TDRP: variants seen among roughly 807,000 people sequenced by gnomAD.
TDRP encodes the protein testis development related protein.
In TDRP, 12 loss-of-function variants were observed where a neutral mutation model predicts 10.5. That is an observed-to-expected ratio of 1.15 (90% CI 0.73 to 1.86). The LOEUF is 1.86. Among genes scored for constraint, TDRP ranks in the 40% most tolerant of loss-of-function variants. TDRP has a pLI of 0.00. For missense variants in TDRP, 353 were observed against 229.2 expected (o/e 1.54, Z -3.49); for synonymous variants, 139 against 95.4 (o/e 1.46, Z -2.67).
intron 1 of TDRP, among the ~76,000 whole-genome samples, chr8:495,229 A>C (rs1196859698): frequency 6.6e-6 from 1 of 152,100 alleles, no homozygotes; most frequent in Non-Finnish European, 1.5e-5. Context: ...GCAAGACCCC[A>C]TCTCAAAAAA....
upstream of TDRP, among the ~76,000 whole-genome samples, chr8:545,224 CGT>C (rs1802620909): frequency 7.0e-6 from 1 of 142,940 alleles, no homozygotes; most frequent in Non-Finnish European, 1.5e-5. Flanking sequence ...CAGGCTACCC[CGT>C]CACCTGGTCC....
chr8:496,586 G>A (rs1390914431), intron 1 of TDRP, among the ~76,000 whole-genome samples: 1 of 152,188 alleles, frequency 6.6e-6, no homozygotes, highest in African/African-American at 2.4e-5. Flanking sequence ...CAGGCCTGCT[G>A]TGTCCCAACA....
At chr8:545,416 C>A (rs535613290), upstream of TDRP, among the ~76,000 whole-genome samples, 324 of 148,906 alleles carry the variant, frequency 2.2e-3, 2 homozygotes, top group African/African-American at 7.7e-3. Context: ...CCTTCTCCCC[C>A]GCCGACCCCC....
intron 1 of TDRP, among the ~76,000 whole-genome samples, chr8:517,558 C>T (rs1031057183): frequency 6.6e-6 from 1 of 152,200 alleles, no homozygotes; most frequent in Non-Finnish European, 1.5e-5. Flanking sequence ...AACCAGCTGC[C>T]AATCAGGAAA....
chr8:504,170 C>A (rs1801389039), intron 1 of TDRP, among the ~76,000 whole-genome samples: 1 of 152,222 alleles, frequency 6.6e-6, no homozygotes, highest in African/African-American at 2.4e-5. Flanking sequence ...TGCTCAGTCC[C>A]CTCATCTGTC....
intron 1 of TDRP, among the ~76,000 whole-genome samples, chr8:499,939 T>C (rs2116732216): frequency 6.6e-6 from 1 of 152,294 alleles, no homozygotes; most frequent in East Asian, 1.9e-4. Context: ...AGTTCTCCTC[T>C]TCCACGGGAA....
At chr8:528,791 T>A (rs1802104672) in intron 1 of TDRP, among the ~76,000 whole-genome samples, 1 of 152,128 alleles carries the variant, frequency 6.6e-6, no homozygotes, top group Non-Finnish European at 1.5e-5. Context: ...ATACATATAT[T>A]TATTTATATA....
chr8:510,755 G>A (rs766342702), intron 1 of TDRP, among the ~76,000 whole-genome samples: 2 of 152,182 alleles, frequency 1.3e-5, no homozygotes, highest in African/African-American at 2.4e-5. Flanking sequence ...AGCTGAAAAC[G>A]AGGAACTCCA....
intron 1 of TDRP, among the ~76,000 whole-genome samples, chr8:516,100 T>A (rs868023336): frequency 2.2e-4 from 34 of 152,184 alleles, no homozygotes; most frequent in Middle Eastern, 3.4e-3. Context: ...GGCTGAACAT[T>A]AAAAAAATAT....
chr8:521,000 T>A (rs918464592), intron 1 of TDRP, among the ~76,000 whole-genome samples: 3 of 152,162 alleles, frequency 2.0e-5, no homozygotes, highest in East Asian at 1.9e-4. Flanking sequence ...CAAGAAATCA[T>A]TGCCAAATCC....
chr8:538,261 C>A (rs1262714050), intron 1 of TDRP, among the ~76,000 whole-genome samples: 2 of 152,158 alleles, frequency 1.3e-5, no homozygotes, highest in Admixed American at 6.5e-5. Flanking sequence ...ACTCAGACAT[C>A]AAGGCCAGGG....
At chr8:542,356 C>G (rs183830457) in intron 1 of TDRP, among the ~76,000 whole-genome samples, 1 of 151,858 alleles carries the variant, frequency 6.6e-6, no homozygotes, top group Non-Finnish European at 1.5e-5. Context: ...GAATGCACAA[C>G]GAGTGAGCCC....
upstream of TDRP, among the ~76,000 whole-genome samples, chr8:545,436 C>T (rs948782110): frequency 2.0e-5 from 3 of 149,880 alleles, no homozygotes; most frequent in African/African-American, 4.9e-5. Context: ...CACTTACTCC[C>T]GGACTGCCCC....
intron 1 of TDRP, among the ~76,000 whole-genome samples, chr8:505,601 A>G (rs528491195): frequency 4.1e-4 from 63 of 152,348 alleles, no homozygotes; most frequent in South Asian, 3.1e-3. Flanking sequence ...GCCATTTCCC[A>G]TGAAGGCCAT....
intron 1 of TDRP, among the ~76,000 whole-genome samples, chr8:517,576 A>G (rs1337277317): frequency 1.3e-5 from 2 of 152,126 alleles, no homozygotes; most frequent in Non-Finnish European, 2.9e-5. Flanking sequence ...AAATCTTTAA[A>G]TCCACCTACA....
At chr8:493,204 C>T (rs1017504857) in intron 2 of TDRP, among the ~76,000 whole-genome samples, 1 of 152,182 alleles carries the variant, frequency 6.6e-6, no homozygotes, top group Admixed American at 6.5e-5. Context: ...AATAAGAATT[C>T]AGAACACCAT....
chr8:544,710 C>T lies in TDRP; in HGVS notation c.48G>A (p.Glu16=). Reference sequence around the variant, plus strand: ...GCCCCCCACGCAGGCCGTCCTCCTCCTCGGGGGGCTCGTCCAGCAGCACTC... The same window carrying T: ...GCCCCCCACGCAGGCCGTCCTCCTCTTCGGGGGGCTCGTCCAGCAGCACTC... ...RGRVLLDEPP[E]EEDGLRGGPP... Residue 16 remains glutamate, a synonymous_variant, in exon 1 of 3, where the codon GAG becomes GAA. Coordinates refer to ENST00000324079, the MANE Select transcript of TDRP (RefSeq NM_001384899.1). 8.0e-7 allele frequency: 1 copy of T among 1,245,426 alleles called. No individual in the cohort carries two copies. The highest frequency in any genetic ancestry group is 1.5e-5 in the African/African-American group (1 of 64,550). 77.1% of individuals were successfully genotyped at this position (1,245,426 alleles called of 1,614,324 possible). A position where few individuals can be genotyped will look rare whatever the true frequency, so the allele number is the denominator to read the frequency against.
At chr8:515,614 T>A (rs919552817) in intron 1 of TDRP, among the ~76,000 whole-genome samples, 8 of 152,334 alleles carry the variant, frequency 5.3e-5, no homozygotes, top group Non-Finnish European at 1.0e-4. Flanking sequence ...TCAAAATAAA[T>A]GACATTCTAG....
chr8:523,011 C>T (rs540014497), intron 1 of TDRP, among the ~76,000 whole-genome samples: 2 of 152,214 alleles, frequency 1.3e-5, no homozygotes, highest in East Asian at 1.9e-4. Context: ...AATCCATTTA[C>T]ATGGAAAGTA....
Sources: allele counts gnomAD v4.1 joint callset (sites outside exome capture counted in the v4.1 genomes callset), GRCh38; gene constraint gnomAD v4.1.1; transcripts MANE v1.5; gene names NCBI Gene and HGNC (gene_info 2026-07-23, HGNC 2026-07-21).